The following FANCC variants were observed in gnomAD, a reference collection of about 807,000 sequenced individuals.
FANCC encodes the protein Fanconi anemia group C protein.
Under a neutral mutation model 71.3 loss-of-function variants are expected in FANCC, and 55 were observed. The ratio of observed to expected loss-of-function variants is 0.77; its 90% CI spans 0.62 to 0.97. The LOEUF (loss-of-function observed/expected upper bound fraction) is 0.97. Ranked by LOEUF, FANCC falls within the 50% of genes least tolerant of loss-of-function variation. The pLI, the probability that FANCC is intolerant of heterozygous loss-of-function variation, is 0.00. For synonymous variants in FANCC, 275 were observed against 244.9 expected, an observed-to-expected ratio of 1.12 and a Z score of -1.15; for missense variants, 678 against 670.9, an observed-to-expected ratio of 1.01 and a Z score of -0.12.
At chr9:95,304,750 A>G (rs1482096395) in intron 1 of FANCC, among the ~76,000 whole-genome samples, 1 of 55,672 alleles carries the variant, frequency 1.8e-5, no homozygotes, top group Non-Finnish European at 3.2e-5. Context: ...ACTCTATCTC[A>G]AAAAAAAAAA....
intron 4 of FANCC, among the ~76,000 whole-genome samples, chr9:95,232,557 A>AT (rs528762310): frequency 2.0e-5 from 3 of 152,190 alleles, no homozygotes; most frequent in Non-Finnish European, 2.9e-5. Flanking sequence ...AATAAATAAG[A>AT]TTTTTTTCTT....
intron 1 of FANCC, among the ~76,000 whole-genome samples, chr9:95,291,130 GA>G (rs1418437283): frequency 2.0e-5 from 3 of 152,156 alleles, no homozygotes; most frequent in Non-Finnish European, 4.4e-5. Context: ...ACCGACTGGG[GA>G]AAAGTTAAAA....
intron 1 of FANCC, among the ~76,000 whole-genome samples, chr9:95,299,333 G>T (rs1282502699): frequency 6.6e-6 from 1 of 152,146 alleles, no homozygotes; most frequent in Non-Finnish European, 1.5e-5. Flanking sequence ...AACTGTATGT[G>T]GTTCCTCTGT....
chr9:95,301,799 CT>C (rs1363517590), intron 1 of FANCC, among the ~76,000 whole-genome samples: 1 of 151,708 alleles, frequency 6.6e-6, no homozygotes, highest in Non-Finnish European at 1.5e-5. Flanking sequence ...GAAAAAAGGC[CT>C]GGCGCGGTGG....
At chr9:95,230,932 C>A (rs928024292) in intron 4 of FANCC, among the ~76,000 whole-genome samples, 1 of 151,842 alleles carries the variant, frequency 6.6e-6, no homozygotes, top group African/African-American at 2.4e-5. Flanking sequence ...TCTGTTTTTA[C>A]AGAGTGCTGA....
chr9:95,109,275 T>C (rs935617352), intron 13 of FANCC, among the ~76,000 whole-genome samples: 1 of 152,156 alleles, frequency 6.6e-6, no homozygotes. Flanking sequence ...TACCACACTT[T>C]ATTTGGCCAG....
intron 14 of FANCC, among the ~76,000 whole-genome samples, chr9:95,105,195 C>T (rs1564638943): frequency 6.6e-6 from 1 of 152,208 alleles, no homozygotes; most frequent in Non-Finnish European, 1.5e-5. Context: ...GCCCACTCCA[C>T]AGGACTGTCC....
At chr9:95,164,409 T>C (rs995509347) in intron 6 of FANCC, among the ~76,000 whole-genome samples, 3 of 152,200 alleles carry the variant, frequency 2.0e-5, no homozygotes, top group Non-Finnish European at 4.4e-5. Context: ...TTTTCACCAC[T>C]GAGTATGATG....
intron 12 of FANCC, chr9:95,113,886 T>A (rs937432548): frequency 1.3e-5 from 2 of 152,848 alleles, no homozygotes; most frequent in African/African-American, 4.8e-5. Flanking sequence ...CCTCCCCAAG[T>A]GCTGGGATTA....
At chr9:95,308,788 A>T (rs1369793966) in intron 1 of FANCC, among the ~76,000 whole-genome samples, 1 of 152,208 alleles carries the variant, frequency 6.6e-6, no homozygotes, top group African/African-American at 2.4e-5. Context: ...ACTTTGATAG[A>T]ATGAAACAAA....
rs1441757988 is a variant in FANCC, at chr9:95,291,967, A to AAAATAT, written c.-79+25558_-79+25559insATATTT. 2.1e-3 allele frequency among the ~76,000 whole-genome samples: 108 copies of AAAATAT among 50,414 alleles called. 1 individual carries two copies. Among genetic ancestry groups the AAAATAT allele is most frequent in the South Asian group, 6.0e-3 (7 of 1,174 alleles). The allele number at this position is 50,414 out of a possible 152,430, so 33.1% of individuals were successfully genotyped here. A position where few individuals can be genotyped will look rare whatever the true frequency, so the allele number is the denominator to read the frequency against. ...TGTCTCAAAAAAAAAAAAAAAAAAA[A>AAAATAT]ATATATATATATATATATATATATA... is the stretch of plus-strand genomic sequence containing the variant. On this transcript the variant is annotated intron_variant, in intron 1 of 14. Transcript: ENST00000289081.
At chr9:95,163,345 T>C (rs1253862342) in intron 6 of FANCC, among the ~76,000 whole-genome samples, 1 of 152,220 alleles carries the variant, frequency 6.6e-6, no homozygotes, top group African/African-American at 2.4e-5. Context: ...GGCTTTGTAA[T>C]ATGCTTTGAA....
In FANCC at chr9:95,214,924, G is replaced by A. The variant is rs118149344; in HGVS notation, c.345+25725C>T. On this transcript the variant is annotated intron_variant, in intron 4 of 14. Coordinates refer to ENST00000289081, the MANE Select transcript of FANCC (RefSeq NM_000136.3). ...CTGAGGATGGATGGTAGTAATAGCT[G>A]CATAACAATATGAATGTACTTAATA... Among the ~76,000 whole-genome samples, 70 of 152,180 alleles carry A rather than the reference G, an allele frequency of 4.6e-4. No homozygotes were observed. The East Asian group carries it at 0.01, about 22-fold the overall frequency.
In FANCC at chr9:95,147,367, T is replaced by C. The variant is rs1423225429; in HGVS notation, c.686+2556A>G. 2.6e-5 allele frequency among the ~76,000 whole-genome samples: 4 copies of C among 152,036 alleles called. No homozygotes were observed. In the East Asian group the frequency reaches 7.7e-4, roughly 29 times the overall value. On this transcript the variant is annotated intron_variant, in intron 7 of 14. Transcript: ENST00000289081. ...CCCTGTCTCTACTAAAAACACAAAA[T>C]TAGCTGGGCGTGATGGTGCATGCCT...
chr9:95,245,103 C>T (rs372691675), intron 3 of FANCC, among the ~76,000 whole-genome samples: 7 of 152,124 alleles, frequency 4.6e-5, no homozygotes, highest in Admixed American at 2.0e-4. Context: ...ATTTAAAGGA[C>T]GTAATATTTC....
chr9:95,268,373 G>A (rs1412452192), intron 1 of FANCC, among the ~76,000 whole-genome samples: 3 of 152,218 alleles, frequency 2.0e-5, no homozygotes, highest in African/African-American at 7.2e-5. Flanking sequence ...AAGGAGTAAA[G>A]CAATGGGCTC....
chr9:95,164,848 A>G (rs1363730939), intron 6 of FANCC, among the ~76,000 whole-genome samples: 1 of 152,136 alleles, frequency 6.6e-6, no homozygotes, highest in African/African-American at 2.4e-5. Context: ...GAAGACTTTA[A>G]GAAAGACTGG....
chr9:95,123,506 G>C (rs535524203), intron 10 of FANCC: 7 of 479,700 alleles, frequency 1.5e-5, no homozygotes, highest in South Asian at 1.0e-4. Context: ...GCTTCCTCCA[G>C]TCCGTGCCTC....
intron 8 of FANCC, 30 bp downstream of exon 8, chr9:95,135,316 T>C: frequency 6.2e-7 from 1 of 1,609,550 alleles, no homozygotes; most frequent in Non-Finnish European, 8.5e-7. Flanking sequence ...CCTTCAAGGA[T>C]TTTTCCCTTC....
Sources: gnomAD v4.1 joint callset for allele counts (sites outside exome capture counted in the v4.1 genomes callset) on GRCh38, gnomAD v4.1.1 for gene constraint, MANE v1.5 for transcripts, NCBI Gene and HGNC (gene_info 2026-07-23, HGNC 2026-07-21) for gene names.